UCHL1: variants seen among roughly 807,000 people sequenced by gnomAD.
UCHL1 encodes ubiquitin carboxyl-terminal hydrolase isozyme L1.
UCHL1 carries 5 observed loss-of-function variants against 33.3 expected under a neutral mutation model. That is an observed-to-expected ratio of 0.15 (90% confidence interval 0.08 to 0.32). The LOEUF (loss-of-function observed/expected upper bound fraction) is 0.32. UCHL1 is among the 10% of genes least tolerant of loss of function. The pLI is 1.00. For missense variants in UCHL1, 236 were observed against 280.0 expected (o/e 0.84, Z 1.12); for synonymous variants, 132 against 108.8 (o/e 1.21, Z -1.33).
chr4:41,260,541 G>A, intron 3 of UCHL1, 106 bp from the exon 4 acceptor site: 4 of 1,401,286 alleles, frequency 2.9e-6, no homozygotes, highest in Non-Finnish European at 4.0e-6. Flanking sequence ...AGGGGTTCTG[G>A]TCACACATCC....
At chr4:41,260,599 T>G (rs1343769852) in intron 3 of UCHL1, 48 bp from the exon 4 acceptor site, 1 of 1,608,230 alleles carries the variant, frequency 6.2e-7, no homozygotes, top group Non-Finnish European at 8.5e-7. Context: ...TGCCATCTGT[T>G]CTTTGCACTT....
At chr4:41,257,810 TCCCCG>T (rs1438996834) in intron 3 of UCHL1, 73 bp downstream of exon 3, 6 of 1,507,288 alleles carry the variant, frequency 4.0e-6, no homozygotes, top group Non-Finnish European at 5.3e-6. Context: ...CCTCGGGGGC[TCCCCG>T]CCCCGCCCCC....
chr4:41,257,325 G>A, intron 2 of UCHL1, 199 bp downstream of exon 2: 1 of 1,013,036 alleles, frequency 9.9e-7, no homozygotes, highest in Non-Finnish European at 1.4e-6. Context: ...ACGGGGAGAC[G>A]GAGGGGGCTG....
chr4:41,264,181 T>G lies in UCHL1; in HGVS notation c.585+20T>G, dbSNP rs1781118822. Reference sequence around the variant, plus strand: ...CTGAAGGTCATCTTTGGAATGCATCTCTTCTTAATGTGCCTCACAATTCTT... The same window carrying G: ...CTGAAGGTCATCTTTGGAATGCATCGCTTCTTAATGTGCCTCACAATTCTT... On this transcript the variant is annotated intron_variant, in intron 8 of 8. Coordinates refer to ENST00000284440, the MANE Select transcript of UCHL1 (RefSeq NM_004181.5). 9.3e-6 allele frequency: 15 copies of G among 1,614,142 alleles called. No individual in the cohort carries two copies. The highest frequency in any genetic ancestry group is 1.3e-5 in the Non-Finnish European group (15 of 1,179,978).
At chr4:41,257,234 C>G (rs1780990871) in intron 2 of UCHL1, 108 bp downstream of exon 2, 1 of 1,544,110 alleles carries the variant, frequency 6.5e-7, no homozygotes, top group Non-Finnish European at 8.8e-7. Context: ...GCTGCGAGCA[C>G]CGGAGACGGC....
In UCHL1 at chr4:41,257,006, C is replaced by G; in HGVS notation, c.30C>G (p.Pro10=). Residue 10 remains proline (P), a synonymous_variant, in exon 1 of 9, where the codon CCC becomes CCG. Coordinates refer to ENST00000284440, the MANE Select transcript of UCHL1 (RefSeq NM_004181.5). The part of the protein sequence containing the change: MQLKPMEIN[P]EMLNKVLSRL... ...AGCTCAAGCCGATGGAGATCAACCC[C>G]GAGGTGAGCGCCAGGTGCACCGCTA... The G allele has an allele frequency of 1.2e-6, 2 of 1,614,106 alleles. No individual in the cohort carries two copies. The highest frequency in any genetic ancestry group is 1.7e-6 in the Non-Finnish European group (2 of 1,180,014).
At chr4:41,260,914 T>C (rs1781059496) in intron 4 of UCHL1, 117 bp downstream of exon 4, 1 of 1,442,246 alleles carries the variant, frequency 6.9e-7, no homozygotes, top group African/African-American at 1.4e-5. Context: ...TTTGTAATGA[T>C]GGTGTCAGAC....
chr4:41,263,220 T>C lies in UCHL1; in HGVS notation c.460-5T>C. On this transcript the variant is annotated splice_polypyrimidine_tract_variant and splice_region_variant and intron_variant, in intron 6 of 8. Coordinates refer to ENST00000284440, the MANE Select transcript of UCHL1 (RefSeq NM_004181.5). ...CATTTTCAAAAATTTCTTGACTTTCTTTAGGTAGATGACAAGGTGAATTTC... is the reference window on the plus strand; with the variant it reads ...CATTTTCAAAAATTTCTTGACTTTCCTTAGGTAGATGACAAGGTGAATTTC... 1 of 1,613,484 alleles carries C rather than the reference T, an allele frequency of 6.2e-7. No individual in the cohort carries two copies. The highest frequency in any genetic ancestry group is 8.5e-7 in the Non-Finnish European group (1 of 1,179,400).
At chr4:41,262,474 C>G (rs189325752) in intron 6 of UCHL1, among the ~76,000 whole-genome samples, 88 of 152,224 alleles carry the variant, frequency 5.8e-4, no homozygotes, top group African/African-American at 2.0e-3. Flanking sequence ...GTGTACACCT[C>G]TCCTAGTAAG....
intron 4 of UCHL1, among the ~76,000 whole-genome samples, chr4:41,261,316 G>A (rs1342134590): frequency 6.6e-6 from 1 of 152,184 alleles, no homozygotes; most frequent in Non-Finnish European, 1.5e-5. Flanking sequence ...TACATTCTTA[G>A]ATGCTGTAGA....
chr4:41,268,263 A>G lies in UCHL1; in HGVS notation c.*190A>G. 1 of 632,274 alleles carries G rather than the reference A, an allele frequency of 1.6e-6. No individual in the cohort carries two copies. Among genetic ancestry groups the G allele is most frequent in the Non-Finnish European group, 2.8e-6 (1 of 352,304 alleles). 39.2% of individuals were successfully genotyped at this position (632,274 alleles called of 1,614,324 possible). A position where few individuals can be genotyped will look rare whatever the true frequency, so the allele number is the denominator to read the frequency against. ...AGAGTGCACAGCTGTCCACTGGGCC[A>G]TTGTGGTGTGAGCTTCAGATGGTGA... On this transcript the variant is annotated 3_prime_UTR_variant, in exon 9 of 9. Transcript: ENST00000284440.
chr4:41,266,480 A>AT, intron 8 of UCHL1, among the ~76,000 whole-genome samples: 1 of 152,298 alleles, frequency 6.6e-6, no homozygotes, highest in South Asian at 2.1e-4. Context: ...GAAGATGGTT[A>AT]TTCTCTTTAA....
intron 3 of UCHL1, among the ~76,000 whole-genome samples, chr4:41,258,201 C>T (rs1781015172): frequency 6.6e-6 from 1 of 152,174 alleles, no homozygotes. Flanking sequence ...TTCGCTAATT[C>T]TCCGCCTCCA....
At position 41,268,095 on chromosome 4, in the gene UCHL1, C is replaced by T. The variant is rs1210820272; in HGVS notation, c.*22C>T. The stretch of plus-strand genomic sequence containing the variant: ...CTAATGCTCTGTGGGAGGGACTTTG[C>T]TGATTTCCCCTCTTCCCTTCAACAT... On this transcript the variant is annotated 3_prime_UTR_variant, in exon 9 of 9. Coordinates refer to ENST00000284440, the MANE Select transcript of UCHL1 (RefSeq NM_004181.5). 1 of 1,604,824 alleles carries T rather than the reference C, an allele frequency of 6.2e-7. No individual in the cohort carries two copies.
chr4:41,257,085 T>G, intron 1 of UCHL1, 30 bp from the exon 2 acceptor site: 4 of 1,613,950 alleles, frequency 2.5e-6, no homozygotes, highest in Non-Finnish European at 3.4e-6. Context: ...TCGGTTCGGT[T>G]TTGCCTTTTT....
rs766323147 is a variant in UCHL1, at chr4:41,261,819, C to A, written c.411+19C>A. 6.2e-7 allele frequency: 1 copy of A among 1,614,018 alleles called. No individual in the cohort carries two copies. The highest frequency in any genetic ancestry group is 1.3e-5 in the African/African-American group (1 of 74,930). ...GAATGAGGTAAGAGAACTTACAGAGCATGGCCTTTAAATAACTCTAGAGAT... is the reference window on the plus strand; with the variant it reads ...GAATGAGGTAAGAGAACTTACAGAGAATGGCCTTTAAATAACTCTAGAGAT... On this transcript the variant is annotated intron_variant, in intron 5 of 8. Coordinates refer to ENST00000284440, the MANE Select transcript of UCHL1 (RefSeq NM_004181.5).
intron 3 of UCHL1, among the ~76,000 whole-genome samples, chr4:41,258,523 C>G (rs988989179): frequency 1.3e-5 from 2 of 151,874 alleles, no homozygotes; most frequent in Admixed American, 6.6e-5. Context: ...TAAAGGATAG[C>G]TAGGATATTT....
At chr4:41,262,712 T>G (rs1781092209) in intron 6 of UCHL1, among the ~76,000 whole-genome samples, 1 of 152,010 alleles carries the variant, frequency 6.6e-6, no homozygotes, top group East Asian at 1.9e-4. Flanking sequence ...ACTGCAGCAA[T>G]TCTCTCATCT....
chr4:41,257,210 G>C, intron 2 of UCHL1, 84 bp downstream of exon 2: 1 of 1,603,702 alleles, frequency 6.2e-7, no homozygotes, highest in Non-Finnish European at 8.5e-7. Context: ...CTGCTGGCAG[G>C]GACCAAGCCG....
Sources: allele counts gnomAD v4.1 joint callset (sites outside exome capture counted in the v4.1 genomes callset), GRCh38; gene constraint gnomAD v4.1.1; transcripts MANE v1.5; gene names NCBI Gene and HGNC (gene_info 2026-07-23, HGNC 2026-07-21).